SCRG1: variants seen among roughly 807,000 people sequenced by gnomAD.
The protein encoded by SCRG1 is stimulator of chondrogenesis 1.
A neutral mutation model predicts 7.7 loss-of-function variants in SCRG1; 3 were observed. The observed-to-expected ratio is 0.39, with a 90% CI of 0.18 to 1.01. SCRG1 has a LOEUF of 1.01. SCRG1 is among the 50% of genes least tolerant of loss of function. The pLI, the probability that SCRG1 is intolerant of heterozygous loss-of-function variation, is 0.36. For synonymous variants in SCRG1, 46 were observed against 41.2 expected (o/e 1.12, Z -0.44); for missense variants, 110 against 117.2 (o/e 0.94, Z 0.28).
chr4:173,488,670 T>C, the SCRG1 span, among the ~76,000 whole-genome samples: 2 of 152,146 alleles, frequency 1.3e-5, no homozygotes, highest in South Asian at 4.1e-4. Context: ...GCAGGCCCTT[T>C]TGGGATGAAA....
At chr4:173,467,282 G>A in the SCRG1 span, among the ~76,000 whole-genome samples, 1 of 152,034 alleles carries the variant, frequency 6.6e-6, no homozygotes, top group Non-Finnish European at 1.5e-5. Flanking sequence ...ATATCATCTA[G>A]CTTTTTGGGA....
the SCRG1 span, among the ~76,000 whole-genome samples, chr4:173,436,441 G>A: frequency 0.6 from 90,660 of 151,856 alleles, 27,540 homozygotes; most frequent in Non-Finnish European, 0.67. Flanking sequence ...CGCAGAACCT[G>A]TTGTTCTGTC....
At chr4:173,491,826 A>G in the SCRG1 span, among the ~76,000 whole-genome samples, 5 of 152,206 alleles carry the variant, frequency 3.3e-5, no homozygotes, top group Admixed American at 6.5e-5. Flanking sequence ...ATGTCCAGAT[A>G]TAAGAGCGTA....
At chr4:173,440,932 C>T in the SCRG1 span, among the ~76,000 whole-genome samples, 2 of 152,108 alleles carry the variant, frequency 1.3e-5, no homozygotes, top group African/African-American at 2.4e-5. Context: ...GGACACCAGT[C>T]GTACTGAATT....
chr4:173,432,684 T>C, the SCRG1 span, among the ~76,000 whole-genome samples: 1 of 152,098 alleles, frequency 6.6e-6, no homozygotes, highest in South Asian at 2.1e-4. Flanking sequence ...ATGGAGGGAG[T>C]GGAAACTAGT....
At chr4:173,483,961 T>C in the SCRG1 span, among the ~76,000 whole-genome samples, 2 of 28,634 alleles carry the variant, frequency 7.0e-5, no homozygotes, top group African/African-American at 1.5e-4. Context: ...TAATATATTA[T>C]ATATTTTATA....
chr4:173,440,358 G>T, the SCRG1 span, among the ~76,000 whole-genome samples: 2 of 152,196 alleles, frequency 1.3e-5, no homozygotes, highest in African/African-American at 4.8e-5. Flanking sequence ...AGGGGAATGG[G>T]CACGGCTTTG....
At chr4:173,461,161 A>C in the SCRG1 span, among the ~76,000 whole-genome samples, 1 of 152,224 alleles carries the variant, frequency 6.6e-6, no homozygotes, top group Non-Finnish European at 1.5e-5. Context: ...CCCTGAAGGG[A>C]AGAACACAGG....
chr4:173,447,880 G>A, the SCRG1 span, among the ~76,000 whole-genome samples: 5 of 152,196 alleles, frequency 3.3e-5, no homozygotes, highest in South Asian at 4.2e-4. Flanking sequence ...CGAGGCAGGC[G>A]AATCACCTGA....
chr4:173,469,867 A>C, the SCRG1 span: 1 of 152,170 alleles, frequency 6.6e-6, no homozygotes. Context: ...TACTTATTCC[A>C]CTAAGACGTA....
chr4:173,473,949 G>T, the SCRG1 span, among the ~76,000 whole-genome samples: 1 of 152,190 alleles, frequency 6.6e-6, no homozygotes, highest in Admixed American at 6.5e-5. Flanking sequence ...GGAGGCTGAG[G>T]TTGGTGGATG....
chr4:173,482,739 G>A, the SCRG1 span, among the ~76,000 whole-genome samples: 4 of 151,388 alleles, frequency 2.6e-5, no homozygotes, highest in Non-Finnish European at 5.9e-5. Flanking sequence ...GACCACATGA[G>A]CCCAGGAGGT....
upstream of SCRG1, among the ~76,000 whole-genome samples, chr4:173,409,512 C>A (rs1992466): frequency 0.41 from 61,773 of 151,660 alleles, 13,262 homozygotes; most frequent in South Asian, 0.53. Context: ...GACTCATGTC[C>A]CATTTGAAGC....
At chr4:173,506,431 A>C in the SCRG1 span, among the ~76,000 whole-genome samples, 4 of 152,022 alleles carry the variant, frequency 2.6e-5, no homozygotes. This position sits in a 1 kb window ranked among gnomAD's most constrained non-coding sequence, Gnocchi z 5.3. Context: ...CATGCCTGGA[A>C]CTTGTTTGGG....
At chr4:173,513,047 C>A in the SCRG1 span, among the ~76,000 whole-genome samples, 1 of 152,134 alleles carries the variant, frequency 6.6e-6, no homozygotes, top group Non-Finnish European at 1.5e-5. Context: ...CATCTATGGA[C>A]TAGAACATAG....
At chr4:173,453,127 A>G in the SCRG1 span, among the ~76,000 whole-genome samples, 12 of 152,346 alleles carry the variant, frequency 7.9e-5, no homozygotes, top group East Asian at 2.3e-3. Flanking sequence ...ATTTGACACC[A>G]GCACATGACG....
At chr4:173,423,580 A>G in the SCRG1 span, among the ~76,000 whole-genome samples, 6 of 152,318 alleles carry the variant, frequency 3.9e-5, no homozygotes, top group African/African-American at 1.4e-4. Context: ...TTAATAATAA[A>G]AAAACCTTTT....
the SCRG1 span, among the ~76,000 whole-genome samples, chr4:173,508,735 CG>C: frequency 6.6e-6 from 1 of 152,196 alleles, no homozygotes. The surrounding 1 kb of genome is among the most constrained non-coding windows in gnomAD (Gnocchi z 4.4). Flanking sequence ...TTATGGACAT[CG>C]CCGCCTCATT....
the SCRG1 span, among the ~76,000 whole-genome samples, chr4:173,436,624 G>A: frequency 6.6e-6 from 1 of 151,876 alleles, no homozygotes; most frequent in Non-Finnish European, 1.5e-5. Context: ...TTTTTTTTTG[G>A]TATAAACATA....
Sources: gnomAD v4.1 joint callset for allele counts (sites outside exome capture counted in the v4.1 genomes callset) on GRCh38, gnomAD v4.1.1 for gene constraint, Gnocchi (gnomAD v3.1) non-coding constraint, MANE v1.5 for transcripts, NCBI Gene and HGNC (gene_info 2026-07-23, HGNC 2026-07-21) for gene names.